Variants in RPA1 observed in about 807,000 individuals in gnomAD.
RPA1 encodes the protein replication protein A 70 kDa DNA-binding subunit.
RPA1 carries 49 observed loss-of-function variants against 83.0 expected under a neutral mutation model. The observed-to-expected ratio is 0.59, with a 90% confidence interval of 0.47 to 0.75. RPA1 has a LOEUF of 0.75. RPA1 is among the 30% of genes least tolerant of loss of function. The pLI is 0.00. For missense variants in RPA1, 693 were observed against 776.1 expected (o/e 0.89, Z 1.27); for synonymous variants, 279 against 281.8 (o/e 0.99, Z 0.10).
Position 1,875,813 on chromosome 17 carries a change from A to C in RPA1, c.587+20A>C. The C allele has an allele frequency of 6.2e-7, 1 of 1,609,172 alleles. No homozygotes were observed. The highest frequency in any genetic ancestry group is 8.5e-7 in the Non-Finnish European group (1 of 1,178,102). ...GTCCAAGTGAGTTGTTGCATAGAGT[A>C]AGTTCAGAGTGTACTTATGAAATCG... is the stretch of plus-strand genomic sequence containing the variant. On this transcript the variant is annotated intron_variant, in intron 7 of 16. Transcript: ENST00000254719.
At chr17:1,864,875 G>A (rs1913121462) in intron 5 of RPA1, among the ~76,000 whole-genome samples, 1 of 152,230 alleles carries the variant, frequency 6.6e-6, no homozygotes, top group Admixed American at 6.5e-5. Flanking sequence ...ACTCCAGCCT[G>A]GGCGACAGAG....
At chr17:1,855,806 C>A (rs1597433082) in intron 5 of RPA1, among the ~76,000 whole-genome samples, 1 of 144,138 alleles carries the variant, frequency 6.9e-6, no homozygotes, top group Non-Finnish European at 1.6e-5. Context: ...CCAGTGAAGT[C>A]ATCTGGGCCT....
chr17:1,853,064 G>C, intron 4 of RPA1, 37 bp from the exon 5 acceptor site: 2 of 1,547,310 alleles, frequency 1.3e-6, no homozygotes, highest in Non-Finnish European at 1.8e-6. Flanking sequence ...AACAGAATTT[G>C]TTTTTCTAAC....
chr17:1,897,551 A>C lies in RPA1; in HGVS notation c.*376A>C, dbSNP rs1232437100. 3.7e-5 allele frequency: 6 copies of C among 161,576 alleles called. No individual in the cohort carries two copies. Among genetic ancestry groups the C allele is most frequent in the East Asian group, 1.8e-4 (1 of 5,564 alleles). 10.0% of individuals were successfully genotyped at this position (161,576 alleles called of 1,614,324 possible). A position where few individuals can be genotyped will look rare whatever the true frequency, so the allele number is the denominator to read the frequency against. On this transcript the variant is annotated 3_prime_UTR_variant, in exon 17 of 17. Transcript: ENST00000254719. ...GGTTTTTGCTTCTCCAGTGGTGACC[A>C]CCCCCCCCCATCCCCGCTCACAACT...
At chr17:1,891,165 AG>A (rs1431533964) in intron 14 of RPA1, among the ~76,000 whole-genome samples, 1 of 152,202 alleles carries the variant, frequency 6.6e-6, no homozygotes, top group Non-Finnish European at 1.5e-5. Flanking sequence ...GGATTCTTTG[AG>A]ATCTGCTTTC....
chr17:1,852,567 C>G (rs964698140), intron 4 of RPA1, among the ~76,000 whole-genome samples: 3 of 152,100 alleles, frequency 2.0e-5, no homozygotes, highest in African/African-American at 7.2e-5. Flanking sequence ...GGCAGCGGCA[C>G]GGGAGGGGGG....
chr17:1,865,881 C>A (rs1913157996), intron 5 of RPA1, among the ~76,000 whole-genome samples: 1 of 152,198 alleles, frequency 6.6e-6, no homozygotes, highest in East Asian at 1.9e-4. Context: ...GCGATTCTCC[C>A]ACTTCAGTCT....
intron 4 of RPA1, among the ~76,000 whole-genome samples, chr17:1,852,576 G>T (rs1912536862): frequency 6.6e-6 from 1 of 152,186 alleles, no homozygotes; most frequent in South Asian, 2.1e-4. Context: ...ACGGGAGGGG[G>T]GTTAGCAAGG....
At chr17:1,840,518 C>G (rs1912004971) in intron 1 of RPA1, among the ~76,000 whole-genome samples, 1 of 151,988 alleles carries the variant, frequency 6.6e-6, no homozygotes, top group African/African-American at 2.4e-5. Context: ...AATCTCCTGA[C>G]CTCGTGATCC....
At chr17:1,893,998 C>T (rs1914295710) in intron 15 of RPA1, among the ~76,000 whole-genome samples, 1 of 150,072 alleles carries the variant, frequency 6.7e-6, no homozygotes, top group Admixed American at 6.7e-5. Context: ...GTAGCTGGGA[C>T]TACTGGTACA....
chr17:1,895,409 A>G (rs1323056014), intron 16 of RPA1, among the ~76,000 whole-genome samples: 2 of 150,632 alleles, frequency 1.3e-5, no homozygotes, highest in South Asian at 4.2e-4. Flanking sequence ...CAAAAAAATT[A>G]TAACGCATGC....
At chr17:1,877,778 C>T (rs1470060331) in intron 8 of RPA1, among the ~76,000 whole-genome samples, 2 of 152,014 alleles carry the variant, frequency 1.3e-5, no homozygotes, top group African/African-American at 2.4e-5. Flanking sequence ...GTTGTGACCT[C>T]GATATGGGAG....
rs573302390 is a variant in RPA1 at position 1,889,886 on chromosome 17, G to C, written c.1551+1035G>C. Among the ~76,000 whole-genome samples the C allele has an allele frequency of 5.9e-5, 9 of 152,110 alleles. No individual in the cohort carries two copies. The South Asian group carries it at 1.9e-3, about 32-fold the overall frequency. On this transcript the variant is annotated intron_variant, in intron 14 of 16. Transcript: ENST00000254719. The stretch of plus-strand genomic sequence containing the variant: ...GTGGTGGCGGGTGCCTGTAGTCCCA[G>C]CTACTCGGGAGGCTGAGGCAGGAGA...
At position 1,888,839 on chromosome 17, in the gene RPA1, C is replaced by T. The variant is rs1914095474; in HGVS notation, c.1539C>T (p.Arg513=). 2 of 1,613,078 alleles carry T rather than the reference C, an allele frequency of 1.2e-6. No individual in the cohort carries two copies. Among genetic ancestry groups the T allele is most frequent in the Non-Finnish European group, 1.7e-6 (2 of 1,179,188 alleles). ...CCGAATTTCCCAATTTCAAGTACCG[C>T]ATGATCCTGTCAGTAAGTAGCCTCG... ...CDTEFPNFKY[R]MILSVNIADF... Residue 513 remains arginine, a synonymous_variant, in exon 14 of 17, where the codon CGC becomes CGT. Coordinates refer to ENST00000254719, the MANE Select transcript of RPA1 (RefSeq NM_002945.5).
chr17:1,892,010 C>A, intron 15 of RPA1, 70 bp downstream of exon 15: 3 of 1,064,868 alleles, frequency 2.8e-6, no homozygotes, highest in Non-Finnish European at 4.0e-6. Flanking sequence ...TGACCCCACA[C>A]ATTTTTTTTT....
intron 4 of RPA1, among the ~76,000 whole-genome samples, chr17:1,846,243 AT>A (rs1912250228): frequency 6.8e-6 from 1 of 147,664 alleles, no homozygotes; most frequent in African/African-American, 2.5e-5. Context: ...GTCTTCTGGC[AT>A]TGAATGTTGA....
chr17:1,883,187 G>A (rs556520850), intron 12 of RPA1, among the ~76,000 whole-genome samples: 4 of 152,128 alleles, frequency 2.6e-5, no homozygotes, highest in East Asian at 1.9e-4. Flanking sequence ...ACGGAGTTTC[G>A]GTCTTGTTGC....
intron 5 of RPA1, among the ~76,000 whole-genome samples, chr17:1,862,248 T>C (rs1364535276): frequency 1.5e-5 from 2 of 135,752 alleles, no homozygotes; most frequent in Admixed American, 1.6e-4. Flanking sequence ...TTGTCCAGGC[T>C]GGTCTTGAAC....
intron 12 of RPA1, among the ~76,000 whole-genome samples, chr17:1,881,191 C>G (rs1230894621): frequency 1.3e-5 from 2 of 152,140 alleles, no homozygotes; most frequent in African/African-American, 4.8e-5. Context: ...ATGAGGAGAG[C>G]CTGTTAAAAT....
Sources: gnomAD v4.1 joint callset for allele counts (sites outside exome capture counted in the v4.1 genomes callset) on GRCh38, gnomAD v4.1.1 for gene constraint, MANE v1.5 for transcripts, NCBI Gene and HGNC (gene_info 2026-07-23, HGNC 2026-07-21) for gene names.